SPMAP2L: variants seen among roughly 807,000 people sequenced by gnomAD.
SPMAP2L encodes sperm microtubule associated protein 2 like.
chr4:56,591,886 C>T, the SPMAP2L span, among the ~76,000 whole-genome samples: 2 of 152,158 alleles, frequency 1.3e-5, no homozygotes, highest in African/African-American at 2.4e-5. Flanking sequence ...CACTTAAATT[C>T]ACTTTAAGCA....
the SPMAP2L span, among the ~76,000 whole-genome samples, chr4:56,543,931 A>AGG: frequency 8.8e-5 from 6 of 68,078 alleles, no homozygotes; most frequent in African/African-American, 3.5e-4. Context: ...TGTGTATGTG[A>AGG]GAGAGAGAGA....
chr4:56,589,778 T>C, the SPMAP2L span, among the ~76,000 whole-genome samples: 1 of 152,022 alleles, frequency 6.6e-6, no homozygotes, highest in African/African-American at 2.4e-5. Context: ...TTTTTGCAGC[T>C]ATTGTAAAAA....
the SPMAP2L span, among the ~76,000 whole-genome samples, chr4:56,589,702 G>A: frequency 1.4e-5 from 2 of 147,002 alleles, no homozygotes; most frequent in African/African-American, 5.0e-5. Context: ...GTTGTTTTGG[G>A]TTTTTGTTGT....
chr4:56,626,176 A>G, the SPMAP2L span, among the ~76,000 whole-genome samples: 9 of 152,244 alleles, frequency 5.9e-5, no homozygotes, highest in African/African-American at 1.7e-4. Context: ...ATAGCCTCCC[A>G]TGGGTGACTG....
At chr4:56,581,647 C>T in the SPMAP2L span, among the ~76,000 whole-genome samples, 1 of 151,890 alleles carries the variant, frequency 6.6e-6, no homozygotes, top group South Asian at 2.1e-4. Context: ...ATTCCAGCTT[C>T]CTTTTTTTCA....
chr4:56,542,560 A>G, the SPMAP2L span, among the ~76,000 whole-genome samples: 1 of 151,912 alleles, frequency 6.6e-6, no homozygotes, highest in Non-Finnish European at 1.5e-5. Context: ...ATTCTTCATC[A>G]ATAGACCTTG....
the SPMAP2L span, among the ~76,000 whole-genome samples, chr4:56,574,152 G>A: frequency 3.3e-5 from 5 of 152,158 alleles, no homozygotes; most frequent in Non-Finnish European, 7.4e-5. Context: ...GGGTGTGCTG[G>A]CTCATGCCTG....
the SPMAP2L span, among the ~76,000 whole-genome samples, chr4:56,566,689 CTTTTTCTTTT>C: frequency 9.3e-6 from 1 of 107,040 alleles, no homozygotes; most frequent in Non-Finnish European, 1.9e-5. Flanking sequence ...TTTTCTTTTT[CTTTTTCTTTT>C]TTTTTTTTTT....
chr4:56,615,822 C>T, the SPMAP2L span, among the ~76,000 whole-genome samples: 1 of 152,132 alleles, frequency 6.6e-6, no homozygotes, highest in African/African-American at 2.4e-5. Flanking sequence ...CAACCCCTGA[C>T]CAGGCAACCC....
At chr4:56,586,844 A>G in the SPMAP2L span, among the ~76,000 whole-genome samples, 1 of 152,132 alleles carries the variant, frequency 6.6e-6, no homozygotes, top group African/African-American at 2.4e-5. Flanking sequence ...GGCCAGATTC[A>G]AGGGGGCAGC....
chr4:56,530,727 TG>T, the SPMAP2L span: 1 of 1,535,316 alleles, frequency 6.5e-7, no homozygotes, highest in Non-Finnish European at 8.7e-7. Context: ...AGGTGACCGA[TG>T]GGCAGGTCTC....
At chr4:56,607,264 C>T in the SPMAP2L span, among the ~76,000 whole-genome samples, 7 of 152,150 alleles carry the variant, frequency 4.6e-5, no homozygotes, top group African/African-American at 1.7e-4. Flanking sequence ...CATCCCTTTT[C>T]TCTTTTTGCC....
the SPMAP2L span, chr4:56,596,510 A>G: frequency 9.0e-5 from 137 of 1,521,888 alleles, no homozygotes; most frequent in South Asian, 1.6e-3. Flanking sequence ...ATGCAAACCA[A>G]GATTTCACTT....
the SPMAP2L span, among the ~76,000 whole-genome samples, chr4:56,603,850 A>G: frequency 5.9e-5 from 9 of 152,374 alleles, no homozygotes; most frequent in East Asian, 1.7e-3. Flanking sequence ...AATACAATTT[A>G]TAATTGAAAT....
At chr4:56,534,495 G>T in the SPMAP2L span, among the ~76,000 whole-genome samples, 2 of 152,176 alleles carry the variant, frequency 1.3e-5, no homozygotes, top group Admixed American at 6.6e-5. Context: ...TTCCCTGGGT[G>T]AGGTCATCAG....
the SPMAP2L span, among the ~76,000 whole-genome samples, chr4:56,550,706 T>G: frequency 6.6e-6 from 1 of 152,246 alleles, no homozygotes; most frequent in Admixed American, 6.5e-5. Flanking sequence ...TTCTTACTGC[T>G]TCTTGTTTCT....
chr4:56,620,610 C>G, the SPMAP2L span, among the ~76,000 whole-genome samples: 3 of 152,156 alleles, frequency 2.0e-5, no homozygotes, highest in Non-Finnish European at 4.4e-5. Context: ...GCCTCGAACT[C>G]CCAACCTCAG....
the SPMAP2L span, among the ~76,000 whole-genome samples, chr4:56,623,356 G>A: frequency 1.3e-5 from 2 of 152,126 alleles, no homozygotes; most frequent in Non-Finnish European, 2.9e-5. Context: ...TTCCCTAAGG[G>A]TGTAAGCTTT....
At chr4:56,585,750 G>A in the SPMAP2L span, among the ~76,000 whole-genome samples, 2 of 152,150 alleles carry the variant, frequency 1.3e-5, no homozygotes, top group South Asian at 4.1e-4. Flanking sequence ...TCACTAAAAT[G>A]TTTGCTTGTA....
Sources: allele counts gnomAD v4.1 joint callset (sites outside exome capture counted in the v4.1 genomes callset), GRCh38; gene constraint gnomAD v4.1.1; transcripts MANE v1.5; gene names NCBI Gene and HGNC (gene_info 2026-07-23, HGNC 2026-07-21).